Variants in MAP3K5 observed in about 807,000 individuals in gnomAD.
MAP3K5 encodes the protein mitogen-activated protein kinase kinase kinase 5, also known as ASK-1.
MAP3K5 carries 56 observed loss-of-function variants against 158.7 expected under a neutral mutation model. The observed-to-expected ratio is 0.35, with a 90% CI of 0.28 to 0.44. The LOEUF (loss-of-function observed/expected upper bound fraction) is 0.44. Ranked by LOEUF, MAP3K5 falls within the 20% of genes least tolerant of loss-of-function variation. The pLI, the probability that MAP3K5 is intolerant of heterozygous loss-of-function variation, is 1.00. For synonymous variants in MAP3K5, 579 were observed against 601.7 expected (o/e 0.96, Z 0.55); for missense variants, 1,294 against 1,674.8 (o/e 0.77, Z 3.97).
Position 136,640,941 on chromosome 6 carries a change from GT to G in MAP3K5, c.1839-1304del, listed in dbSNP as rs370756450. On this transcript the variant is annotated intron_variant, in intron 12 of 29. Coordinates refer to ENST00000359015, the MANE Select transcript of MAP3K5 (RefSeq NM_005923.4). The stretch of plus-strand genomic sequence containing the variant: ...TAAGCCAGCAATAGTAAGATAGATA[GT>G]AGCAGCCTATGTATAAGTCATAAAT... 1.2e-4 allele frequency among the ~76,000 whole-genome samples: 19 copies of G among 152,276 alleles called. No homozygotes were observed. The South Asian group carries it at 3.9e-3, about 32-fold the overall frequency.
intron 7 of MAP3K5, among the ~76,000 whole-genome samples, chr6:136,683,298 T>C (rs374834115): frequency 6.6e-6 from 1 of 152,216 alleles, no homozygotes. Flanking sequence ...GAGTAAGTTT[T>C]TACAAGCATG....
At chr6:136,608,179 G>A (rs1452340964) in intron 18 of MAP3K5, among the ~76,000 whole-genome samples, 1 of 152,044 alleles carries the variant, frequency 6.6e-6, no homozygotes, top group Non-Finnish European at 1.5e-5. Context: ...CAGAAGAAGA[G>A]TAGGAAATGG....
At chr6:136,611,163 A>G (rs1728822257) in intron 18 of MAP3K5, 119 bp downstream of exon 18, 1 of 507,000 alleles carries the variant, frequency 2.0e-6, no homozygotes, top group Non-Finnish European at 3.5e-6. Flanking sequence ...AGAAAGAAAA[A>G]AGATACCAAC....
intron 2 of MAP3K5, among the ~76,000 whole-genome samples, chr6:136,713,302 A>G (rs1781389998): frequency 6.6e-6 from 1 of 152,236 alleles, no homozygotes; most frequent in South Asian, 2.1e-4. Context: ...GGCATTGTGC[A>G]TCGCCTCTTA....
chr6:136,684,492 C>T (rs1780062607), intron 7 of MAP3K5, among the ~76,000 whole-genome samples: 1 of 152,148 alleles, frequency 6.6e-6, no homozygotes, highest in South Asian at 2.1e-4. Context: ...GATAATCTGG[C>T]AATGAGAACT....
intron 2 of MAP3K5, among the ~76,000 whole-genome samples, chr6:136,714,937 T>C (rs189403744): frequency 4.6e-5 from 7 of 152,312 alleles, no homozygotes; most frequent in African/African-American, 1.7e-4. Flanking sequence ...ATGTGTGTTC[T>C]GTATACAGTG....
intron 1 of MAP3K5, among the ~76,000 whole-genome samples, chr6:136,782,697 A>G (rs1483845798): frequency 6.6e-6 from 1 of 152,222 alleles, no homozygotes; most frequent in African/African-American, 2.4e-5. Context: ...TTTAAGTTAT[A>G]CAGATCTGCT....
intron 24 of MAP3K5, among the ~76,000 whole-genome samples, chr6:136,581,858 G>A (rs1375402563): frequency 6.6e-5 from 10 of 152,170 alleles, no homozygotes; most frequent in East Asian, 3.9e-4. Context: ...CGATGCGGGC[G>A]GATCACCTGA....
intron 23 of MAP3K5, chr6:136,584,508 AAACTCCCATT>A (rs1373373571): frequency 6.5e-6 from 1 of 153,250 alleles, no homozygotes; most frequent in African/African-American, 2.4e-5. Context: ...TTGTGCAGGC[AAACTCCCATT>A]TTTTGAAAGC....
chr6:136,755,237 G>A (rs1345247435), intron 1 of MAP3K5, among the ~76,000 whole-genome samples: 3 of 151,662 alleles, frequency 2.0e-5, no homozygotes, highest in East Asian at 1.9e-4. Flanking sequence ...CTCTCCAGCC[G>A]CATCCAGCTC....
chr6:136,568,175 A>T (rs1425524909), intron 25 of MAP3K5, among the ~76,000 whole-genome samples: 1 of 152,256 alleles, frequency 6.6e-6, no homozygotes, highest in Non-Finnish European at 1.5e-5. Context: ...AATGCTAGGA[A>T]TCTGAAAGAA....
chr6:136,588,944 A>G (rs977088136), intron 23 of MAP3K5, among the ~76,000 whole-genome samples: 11 of 152,174 alleles, frequency 7.2e-5, no homozygotes, highest in African/African-American at 2.2e-4. Flanking sequence ...GGTTTTTGAG[A>G]GTGTGTAGAA....
At chr6:136,644,449 G>A (rs1466880578) in intron 11 of MAP3K5, among the ~76,000 whole-genome samples, 2 of 152,190 alleles carry the variant, frequency 1.3e-5, no homozygotes, top group African/African-American at 2.4e-5. Flanking sequence ...GCCCCAACAG[G>A]CCTCAAACCA....
chr6:136,736,901 C>T (rs1453240112), intron 1 of MAP3K5, among the ~76,000 whole-genome samples: 2 of 151,338 alleles, frequency 1.3e-5, no homozygotes, highest in Non-Finnish European at 2.9e-5. Flanking sequence ...TGGTCTCAAA[C>T]CCCTGGACTC....
rs1474180934 is a variant in MAP3K5 at position 136,613,528 on chromosome 6, A to G, written c.2279-272T>C. Reference sequence around the variant, plus strand: ...ACTGAAATGGTTCCCATATTTATGTATTGTCTCTGTGAAATTACATAATTC... The same window carrying G: ...ACTGAAATGGTTCCCATATTTATGTGTTGTCTCTGTGAAATTACATAATTC... On this transcript the variant is annotated intron_variant, in intron 16 of 29. Coordinates refer to ENST00000359015, the MANE Select transcript of MAP3K5 (RefSeq NM_005923.4). This position sits in a 1 kb window ranked among gnomAD's most constrained non-coding sequence, Gnocchi z 4.0. 6.6e-6 allele frequency among the ~76,000 whole-genome samples: 1 copy of G among 152,222 alleles called. No homozygotes were observed.
intron 7 of MAP3K5, among the ~76,000 whole-genome samples, chr6:136,675,416 T>A (rs1779663082): frequency 6.6e-6 from 1 of 152,004 alleles, no homozygotes; most frequent in South Asian, 2.1e-4. Flanking sequence ...CTCAACAAAT[T>A]TCAAAGGACT....
In MAP3K5 at chr6:136,791,705, C is replaced by T; in HGVS notation, c.448+5G>A. 1 of 1,612,984 alleles carries T rather than the reference C, an allele frequency of 6.2e-7. No individual in the cohort carries two copies. On this transcript the variant is annotated splice_donor_5th_base_variant and intron_variant, in intron 1 of 29. Coordinates refer to ENST00000359015, the MANE Select transcript of MAP3K5 (RefSeq NM_005923.4). ...CGCGGGATGGGAAAGGGGTCACACA[C>T]GCACCTGCATTGTAAAAGCGGTCCA...
intron 1 of MAP3K5, among the ~76,000 whole-genome samples, chr6:136,731,079 T>C (rs965775792): frequency 1.3e-5 from 2 of 152,194 alleles, no homozygotes; most frequent in African/African-American, 4.8e-5. Context: ...AGGCACCGTG[T>C]GATTCTGCAA....
Position 136,639,512 on chromosome 6 carries a change from A to C in MAP3K5, c.1934+31T>G, listed in dbSNP as rs965438017. On this transcript the variant is annotated intron_variant, in intron 13 of 29. Transcript: ENST00000359015. ...TGAAAATAATGATCAGGTAAGAAGA[A>C]TCTTTTTCACACACAATGACTAATA... The C allele has an allele frequency of 1.9e-5, 24 of 1,271,106 alleles. No homozygotes were observed. In the Admixed American group the frequency reaches 2.0e-4, roughly 11 times the overall value. The allele number at this position is 1,271,106 out of a possible 1,614,324, so 78.7% of individuals were successfully genotyped here.
Sources: gnomAD v4.1 joint callset for allele counts (sites outside exome capture counted in the v4.1 genomes callset) on GRCh38, gnomAD v4.1.1 for gene constraint, Gnocchi (gnomAD v3.1) non-coding constraint, MANE v1.5 for transcripts, NCBI Gene and HGNC (gene_info 2026-07-23, HGNC 2026-07-21) for gene names.